The following PTPN2 variants were observed in gnomAD, a reference collection of about 807,000 sequenced individuals.
PTPN2 encodes tyrosine-protein phosphatase non-receptor type 2.
In PTPN2, 19 loss-of-function variants were observed where a neutral mutation model predicts 57.3. The observed-to-expected ratio is 0.33, with a 90% CI of 0.23 to 0.49. PTPN2 has a LOEUF of 0.49. PTPN2 is among the 20% of genes least tolerant of loss of function. The probability of loss-of-function intolerance (pLI) is 0.99; values close to 1 mark genes in which losing one functional copy is unlikely to be tolerated. For missense variants in PTPN2, 358 were observed against 501.1 expected, an observed-to-expected ratio of 0.71 and a Z score of 2.73; for synonymous variants, 153 against 164.9, an observed-to-expected ratio of 0.93 and a Z score of 0.55.
chr18:12,796,020 A>G (rs1301247883), intron 8 of PTPN2, among the ~76,000 whole-genome samples: 1 of 151,202 alleles, frequency 6.6e-6, no homozygotes, highest in Non-Finnish European at 1.5e-5. Context: ...TCCTACATTG[A>G]GACTACCTTT....
intron 2 of PTPN2, chr18:12,840,603 T>C (rs1268499712): frequency 2.4e-6 from 3 of 1,238,040 alleles, no homozygotes; most frequent in East Asian, 5.0e-5. Context: ...GAAGTGCATA[T>C]GAATATGGAT....
At chr18:12,813,101 G>T (rs1172440763) in intron 7 of PTPN2, among the ~76,000 whole-genome samples, 4 of 151,968 alleles carry the variant, frequency 2.6e-5, no homozygotes, top group African/African-American at 2.4e-5. Flanking sequence ...TCTCATCACA[G>T]CCAGGAAGCA....
At chr18:12,869,312 G>A (rs1309835757) in intron 1 of PTPN2, among the ~76,000 whole-genome samples, 1 of 152,098 alleles carries the variant, frequency 6.6e-6, no homozygotes, top group African/African-American at 2.4e-5. Flanking sequence ...AAGTAGGTGG[G>A]ACTGCAGGCA....
rs777823104 is a variant in PTPN2, at chr18:12,794,486, CTA to C, written c.1041-3_1041-2del. On this transcript the variant is annotated splice_acceptor_variant and splice_polypyrimidine_tract_variant and intron_variant, in intron 8 of 8. Transcript: ENST00000309660. LOFTEE classifies it high-confidence loss of function. ...CTCTCGAATACGTTTCCGTAGAGCA[CTA>C]TGAGGAAATAAAAACAAGTGAAAGG... The C allele has an allele frequency of 6.2e-7, 1 of 1,612,044 alleles. No homozygotes were observed. Among genetic ancestry groups the C allele is most frequent in the South Asian group, 1.1e-5 (1 of 90,982 alleles).
At chr18:12,849,908 C>T (rs1035337681) in intron 2 of PTPN2, among the ~76,000 whole-genome samples, 1 of 152,074 alleles carries the variant, frequency 6.6e-6, no homozygotes, top group Non-Finnish European at 1.5e-5. Context: ...AAATTGTTGG[C>T]AGTATTCAAT....
intron 6 of PTPN2, among the ~76,000 whole-genome samples, chr18:12,816,800 A>T (rs559290704): frequency 6.6e-6 from 1 of 152,340 alleles, no homozygotes; most frequent in East Asian, 1.9e-4. Context: ...CCTAGTTTTT[A>T]AATTTAAAAA....
chr18:12,883,908 G>C (rs374111299), intron 1 of PTPN2, 165 bp downstream of exon 1: 2 of 490,188 alleles, frequency 4.1e-6, no homozygotes, highest in Non-Finnish European at 7.1e-6. Flanking sequence ...AGGAGCAAGA[G>C]AGCGGTCAGC....
At chr18:12,808,176 GA>G in intron 7 of PTPN2, among the ~76,000 whole-genome samples, 1 of 151,984 alleles carries the variant, frequency 6.6e-6, no homozygotes, top group South Asian at 2.1e-4. Context: ...AAGAGAATGA[GA>G]CCCTATCTCG....
At chr18:12,787,910 C>G (rs1162932059), downstream of PTPN2, among the ~76,000 whole-genome samples, 1 of 152,170 alleles carries the variant, frequency 6.6e-6, no homozygotes, top group Non-Finnish European at 1.5e-5. Flanking sequence ...AGAGGGTCCA[C>G]TACCAAGTCA....
At chr18:12,872,059 CAAAAA>C (rs1219804008) in intron 1 of PTPN2, among the ~76,000 whole-genome samples, 1 of 73,402 alleles carries the variant, frequency 1.4e-5, no homozygotes, top group Non-Finnish European at 2.9e-5. Context: ...AAAAAAAAAA[CAAAAA>C]AACAAAAAAA....
At chr18:12,808,698 T>C (rs942922204) in intron 7 of PTPN2, among the ~76,000 whole-genome samples, 13 of 152,206 alleles carry the variant, frequency 8.5e-5, no homozygotes, top group Admixed American at 7.2e-4. Flanking sequence ...GGAGAATCAC[T>C]TGACCCCAGG....
exon 10 of PTPN2, chr18:12,785,641 G>A: frequency 1.5e-6 from 1 of 652,854 alleles, no homozygotes; most frequent in Non-Finnish European, 2.7e-6. Context: ...GTTCTGCAAA[G>A]TCTTCTGCTG....
chr18:12,790,730 C>T (rs1360087635), downstream of PTPN2, among the ~76,000 whole-genome samples: 1 of 152,226 alleles, frequency 6.6e-6, no homozygotes, highest in African/African-American at 2.4e-5. Flanking sequence ...AACCAATACA[C>T]ATTTTTCGAT....
chr18:12,850,807 T>C (rs2043367599), intron 2 of PTPN2, among the ~76,000 whole-genome samples: 1 of 152,102 alleles, frequency 6.6e-6, no homozygotes, highest in Non-Finnish European at 1.5e-5. Context: ...TGGCACAATC[T>C]TGGCTCACCG....
At chr18:12,858,276 A>C (rs1475121443) in intron 2 of PTPN2, among the ~76,000 whole-genome samples, 3 of 152,212 alleles carry the variant, frequency 2.0e-5, no homozygotes, top group Non-Finnish European at 4.4e-5. Context: ...AGGGAGCCCT[A>C]AAGAGAAAAC....
intron 2 of PTPN2, chr18:12,841,013 A>G: frequency 7.2e-7 from 1 of 1,385,776 alleles, no homozygotes; most frequent in Non-Finnish European, 9.5e-7. Context: ...TTTAACCTAT[A>G]GGGATCTAAA....
Position 12,794,236 on chromosome 18 carries a change from G to A in PTPN2, c.*42C>T, listed in dbSNP as rs777103373. ...AAACCCCTATGATTAATGTAGCACT[G>A]TCAGTTACTAGTGCAGAAGCTTGCT... On this transcript the variant is annotated 3_prime_UTR_variant, in exon 9 of 9. Coordinates refer to ENST00000309660, the MANE Select transcript of PTPN2 (RefSeq NM_002828.4). The A allele has an allele frequency of 3.7e-6, 6 of 1,612,434 alleles. No homozygotes were observed. Among genetic ancestry groups the A allele is most frequent in the Non-Finnish European group, 4.2e-6 (5 of 1,179,326 alleles).
At chr18:12,811,895 T>C (rs758512558) in intron 7 of PTPN2, among the ~76,000 whole-genome samples, 34 of 152,182 alleles carry the variant, frequency 2.2e-4, no homozygotes, top group Non-Finnish European at 4.7e-4. Context: ...CTAGGAGCCA[T>C]GCCCCCCACA....
intron 2 of PTPN2, among the ~76,000 whole-genome samples, chr18:12,846,933 C>G (rs1456954816): frequency 6.6e-6 from 1 of 151,970 alleles, no homozygotes; most frequent in Non-Finnish European, 1.5e-5. Context: ...TGGGCCCAAC[C>G]CCAAGTGCTT....
Sources: gnomAD v4.1 joint callset for allele counts (sites outside exome capture counted in the v4.1 genomes callset) on GRCh38, gnomAD v4.1.1 for gene constraint, MANE v1.5 for transcripts, NCBI Gene and HGNC (gene_info 2026-07-23, HGNC 2026-07-21) for gene names.